Variants in CFHR3 observed in about 807,000 individuals in gnomAD.
CFHR3 encodes the protein complement factor H related 3.
A neutral mutation model predicts 36.0 loss-of-function variants in CFHR3; 22 were observed. The ratio of observed to expected loss-of-function variants is 0.61; its 90% CI spans 0.44 to 0.87. The LOEUF is 0.87. CFHR3 is among the 40% of genes least tolerant of loss of function. The probability of loss-of-function intolerance (pLI) is 0.00; values close to 1 mark genes in which losing one functional copy is unlikely to be tolerated. For missense variants in CFHR3, 276 were observed against 401.3 expected (o/e 0.69, Z 2.67); for synonymous variants, 97 against 137.4 (o/e 0.71, Z 2.06).
chr1:196,785,989 G>T (rs1314865213), intron 3 of CFHR3, among the ~76,000 whole-genome samples: 1 of 135,344 alleles, frequency 7.4e-6, no homozygotes, highest in African/African-American at 3.1e-5. Flanking sequence ...TGGTGTGGAT[G>T]TCCTTTCTGT....
Position 196,794,616 on chromosome 1 carries a change from AT to A in CFHR3, c.*1112del, listed in dbSNP as rs555291907. 1.5e-3 allele frequency: 577 copies of A among 377,310 alleles called. 108 individuals are homozygous for A. Among genetic ancestry groups the A allele is most frequent in the African/African-American group, 0.01 (353 of 34,736 alleles). 23.4% of individuals were successfully genotyped at this position (377,310 alleles called of 1,614,324 possible). A position where few individuals can be genotyped will look rare whatever the true frequency, so the allele number is the denominator to read the frequency against. On this transcript the variant is annotated 3_prime_UTR_variant, in exon 6 of 6. Coordinates refer to ENST00000367425, the MANE Select transcript of CFHR3 (RefSeq NM_021023.6). ...CATTTCTTATTAAGTTTTGCTTCAG[AT>A]TTTTTTTTGTCTTTTCTCCTGTTAA...
At chr1:196,780,345 C>G (rs551360696) in intron 3 of CFHR3, among the ~76,000 whole-genome samples, 2 of 137,430 alleles carry the variant, frequency 1.5e-5, no homozygotes, top group South Asian at 5.0e-4. Flanking sequence ...ATATTCTACT[C>G]TAGAAGGTTT....
intron 3 of CFHR3, 45 bp downstream of exon 3, chr1:196,780,018 A>C (rs1194169908): frequency 6.5e-7 from 1 of 1,527,350 alleles, no homozygotes; most frequent in East Asian, 2.2e-5. Context: ...TGTCTTTCTA[A>C]GTAACACGGA....
In CFHR3 at chr1:196,784,459, C is replaced by T. The variant is rs1456560289; in HGVS notation, c.431-3757C>T. Among the ~76,000 whole-genome samples the T allele has an allele frequency of 4.5e-5, 6 of 134,814 alleles. 1 individual carries two copies. The highest frequency in any genetic ancestry group is 2.7e-4 in the South Asian group (1 of 3,764). The allele number at this position is 134,814 out of a possible 152,430, so 88.4% of individuals were successfully genotyped here. A position where few individuals can be genotyped will look rare whatever the true frequency, so the allele number is the denominator to read the frequency against. ...GTCTAAGTCTCTTTGTAGGTCACTC[C>T]AGACTTGCTTTATGAATCTGGGTGC... On this transcript the variant is annotated intron_variant, in intron 3 of 5. Coordinates refer to ENST00000367425, the MANE Select transcript of CFHR3 (RefSeq NM_021023.6).
In CFHR3 at chr1:196,789,674, G is replaced by A. The variant is rs867330502; in HGVS notation, c.614-371G>A. The A allele has an allele frequency of 2.4e-5, 35 of 1,462,236 alleles. 9 individuals are homozygous for A. The highest frequency in any genetic ancestry group is 4.1e-4 in the Middle Eastern group (2 of 4,932). The allele number at this position is 1,462,236 out of a possible 1,614,324, so 90.6% of individuals were successfully genotyped here. On this transcript the variant is annotated intron_variant, in intron 4 of 5. Transcript: ENST00000367425. ...TGACACATTGGACTACGAATGCTAC[G>A]ATGGATATGAAATCAGTTATGGAAA...
intron 5 of CFHR3, among the ~76,000 whole-genome samples, chr1:196,791,143 C>T (rs367684): frequency 0.28 from 37,623 of 134,592 alleles, 10,578 homozygotes; most frequent in East Asian, 0.5. Flanking sequence ...AAGAAATTAA[C>T]GAAACTTCAG....
rs1427761540 is a variant in CFHR3, at chr1:196,783,423, C to A, written c.430+3450C>A. On this transcript the variant is annotated intron_variant, in intron 3 of 5. Coordinates refer to ENST00000367425, the MANE Select transcript of CFHR3 (RefSeq NM_021023.6). ...CTCTGGTAGAATTCGGCTGTGAATC[C>A]ATCTGGTCCTGGACTCTTTTTGGTT... is the stretch of plus-strand genomic sequence containing the variant. Among the ~76,000 whole-genome samples, 2 of 131,806 alleles carry A rather than the reference C, an allele frequency of 1.5e-5. 1 individual carries two copies. The highest frequency in any genetic ancestry group is 6.7e-5 in the African/African-American group (2 of 30,048). 86.5% of individuals were successfully genotyped at this position (131,806 alleles called of 152,430 possible).
rs1401394430 is a variant in CFHR3, at chr1:196,779,005, A to T, written c.59-157A>T. On this transcript the variant is annotated intron_variant, in intron 1 of 5. Transcript: ENST00000367425. ...GTTATTAATTTATACCCAGGAAAAC[A>T]GATTATACAGATGAGAGGTCAGGAT... 4.4e-5 allele frequency among the ~76,000 whole-genome samples: 6 copies of T among 137,620 alleles called. 2 individuals carry two copies. Among genetic ancestry groups the T allele is most frequent in the African/African-American group, 1.8e-4 (6 of 33,136 alleles). 90.3% of individuals were successfully genotyped at this position (137,620 alleles called of 152,430 possible). A position where few individuals can be genotyped will look rare whatever the true frequency, so the allele number is the denominator to read the frequency against.
intron 5 of CFHR3, among the ~76,000 whole-genome samples, chr1:196,791,104 T>G (rs1218278932): frequency 7.3e-6 from 1 of 137,086 alleles, no homozygotes; most frequent in Non-Finnish European, 1.5e-5. Flanking sequence ...TTCTTACTTA[T>G]ATTTTATCAG....
intron 1 of CFHR3, among the ~76,000 whole-genome samples, chr1:196,778,746 CA>C (rs1436045792): frequency 7.4e-6 from 1 of 135,398 alleles, no homozygotes; most frequent in Admixed American, 7.2e-5. Flanking sequence ...TTCTCTTTTC[CA>C]AAAAACAATT....
rs1451275268 is a variant in CFHR3, at chr1:196,792,807, T to A, written c.797-510T>A. ...TATGTATGTATGTATGTATATATAG[T>A]TTCATTTTAACAGATGACTATTAGA... On this transcript the variant is annotated intron_variant, in intron 5 of 5. Coordinates refer to ENST00000367425, the MANE Select transcript of CFHR3 (RefSeq NM_021023.6). Among the ~76,000 whole-genome samples, 5 of 137,006 alleles carry A rather than the reference T, an allele frequency of 3.6e-5. 1 individual carries two copies. Among genetic ancestry groups the A allele is most frequent in the Non-Finnish European group, 7.7e-5 (5 of 64,530 alleles). 89.9% of individuals were successfully genotyped at this position (137,006 alleles called of 152,430 possible). A position where few individuals can be genotyped will look rare whatever the true frequency, so the allele number is the denominator to read the frequency against.
intron 3 of CFHR3, among the ~76,000 whole-genome samples, chr1:196,787,543 C>G (rs1180319262): frequency 7.3e-6 from 1 of 137,128 alleles, no homozygotes; most frequent in Non-Finnish European, 1.5e-5. Context: ...ATATGCGTTA[C>G]TAAAATAATT....
rs1168141117 is a variant in CFHR3 at position 196,781,604 on chromosome 1, T to A, written c.430+1631T>A. ...TTTTGGCTGCGTAAATGTCTTCTTT[T>A]GAGAAGCATCTGTTCATGTCCTTTG... On this transcript the variant is annotated intron_variant, in intron 3 of 5. Coordinates refer to ENST00000367425, the MANE Select transcript of CFHR3 (RefSeq NM_021023.6). 7.3e-5 allele frequency among the ~76,000 whole-genome samples: 10 copies of A among 137,342 alleles called. 1 individual carries two copies. The highest frequency in any genetic ancestry group is 1.5e-4 in the Non-Finnish European group (10 of 64,742). The allele number at this position is 137,342 out of a possible 152,430, so 90.1% of individuals were successfully genotyped here. A position where few individuals can be genotyped will look rare whatever the true frequency, so the allele number is the denominator to read the frequency against.
chr1:196,788,869 T>C (rs1654314710), intron 4 of CFHR3: 2 of 1,440,600 alleles, frequency 1.4e-6, no homozygotes, highest in East Asian at 4.9e-5. Flanking sequence ...GTATCAATGA[T>C]GCTACTGAGG....
At chr1:196,784,131 C>G (rs1162677955) in intron 3 of CFHR3, among the ~76,000 whole-genome samples, 1 of 136,402 alleles carries the variant, frequency 7.3e-6, no homozygotes, top group Non-Finnish European at 1.6e-5. Context: ...GTTTCTTAAT[C>G]CTGAGTTCTA....
At chr1:196,783,304 G>A (rs543209205) in intron 3 of CFHR3, among the ~76,000 whole-genome samples, 1 of 135,934 alleles carries the variant, frequency 7.4e-6, no homozygotes, top group African/African-American at 3.1e-5. Flanking sequence ...GTATCAGGAT[G>A]ATGCTGGCCT....
At position 196,780,025 on chromosome 1, in the gene CFHR3, C is replaced by T. The variant is rs766024530; in HGVS notation, c.430+52C>T. The T allele has an allele frequency of 4.1e-5, 63 of 1,521,980 alleles. 13 individuals are homozygous for T. The highest frequency in any genetic ancestry group is 1.9e-4 in the Middle Eastern group (1 of 5,214). 94.3% of individuals were successfully genotyped at this position (1,521,980 alleles called of 1,614,324 possible). ...CATGTTCATGTCTTTCTAAGTAACA[C>T]GGACGACAGTCTCAGACTTGTCTAT... On this transcript the variant is annotated intron_variant, in intron 3 of 5. Transcript: ENST00000367425.
At position 196,779,843 on chromosome 1, in the gene CFHR3, T is replaced by C. The variant is rs755529526; in HGVS notation, c.300T>C (p.Tyr100=). Residue 100 remains tyrosine (Y), a synonymous_variant, in exon 3 of 6, where the codon TAT becomes TAC. Transcript: ENST00000367425. The part of the protein sequence containing the change: ...PYLENGYNQN[Y]GRKFVQGNST... ...TGGAAAATGGATATAATCAAAATTA[T>C]GGAAGAAAGTTTGTACAGGGTAACT... 1.6e-5 allele frequency: 25 copies of C among 1,532,496 alleles called. No homozygotes were observed. In the East Asian group the frequency reaches 4.5e-4, roughly 27 times the overall value. 94.9% of individuals were successfully genotyped at this position (1,532,496 alleles called of 1,614,324 possible). A position where few individuals can be genotyped will look rare whatever the true frequency, so the allele number is the denominator to read the frequency against.
At position 196,781,611 on chromosome 1, in the gene CFHR3, C is replaced by A. The variant is rs1369724770; in HGVS notation, c.430+1638C>A. Among the ~76,000 whole-genome samples, 12 of 136,738 alleles carry A rather than the reference C, an allele frequency of 8.8e-5. 4 individuals carry two copies. The highest frequency in any genetic ancestry group is 3.7e-4 in the African/African-American group (12 of 32,642). The allele number at this position is 136,738 out of a possible 152,430, so 89.7% of individuals were successfully genotyped here. On this transcript the variant is annotated intron_variant, in intron 3 of 5. Transcript: ENST00000367425. ...TGCGTAAATGTCTTCTTTTGAGAAG[C>A]ATCTGTTCATGTCCTTTGCCCACTT...
Sources: gnomAD v4.1 joint callset for allele counts (sites outside exome capture counted in the v4.1 genomes callset) on GRCh38, gnomAD v4.1.1 for gene constraint, MANE v1.5 for transcripts, NCBI Gene and HGNC (gene_info 2026-07-23, HGNC 2026-07-21) for gene names.